Variants in IGFBP7 observed in about 807,000 individuals in gnomAD.
IGFBP7 encodes insulin like growth factor binding protein 7, also known as insulin-like growth factor-binding protein 7.
In IGFBP7, 31 loss-of-function variants were observed where a neutral mutation model predicts 29.4. That is an observed-to-expected ratio of 1.05 (90% confidence interval 0.79 to 1.42). The LOEUF is 1.42. IGFBP7 is among the 40% of genes most tolerant of loss of function. IGFBP7 has a pLI of 0.00. For missense variants in IGFBP7, 393 were observed against 395.5 expected (o/e 0.99, Z 0.05); for synonymous variants, 172 against 174.9 (o/e 0.98, Z 0.13).
chr4:57,066,037 G>C (rs1360541144), intron 1 of IGFBP7, among the ~76,000 whole-genome samples: 1 of 152,136 alleles, frequency 6.6e-6, no homozygotes, highest in Non-Finnish European at 1.5e-5. Flanking sequence ...AGTATCACTA[G>C]AGTATCTGGT....
intron 1 of IGFBP7, among the ~76,000 whole-genome samples, chr4:57,045,226 G>A (rs779357080): frequency 1.3e-5 from 2 of 152,132 alleles, no homozygotes; most frequent in African/African-American, 4.8e-5. Context: ...AATTCTACAA[G>A]ACTTCCATAC....
At chr4:57,065,306 T>C (rs1560498815) in intron 1 of IGFBP7, among the ~76,000 whole-genome samples, 1 of 152,240 alleles carries the variant, frequency 6.6e-6, no homozygotes, top group African/African-American at 2.4e-5. Context: ...CCAAGAGAGC[T>C]GGAGCAAAAG....
chr4:57,095,028 C>T (rs1004678772), intron 1 of IGFBP7, among the ~76,000 whole-genome samples: 1 of 152,170 alleles, frequency 6.6e-6, no homozygotes, highest in Admixed American at 6.5e-5. Context: ...TATTTTTGTG[C>T]TTTCTGATGG....
At chr4:57,073,648 C>G (rs1725119728) in intron 1 of IGFBP7, among the ~76,000 whole-genome samples, 1 of 152,002 alleles carries the variant, frequency 6.6e-6, no homozygotes, top group Non-Finnish European at 1.5e-5. Context: ...CCCAGAACTG[C>G]CCAAGATTAC....
chr4:57,071,625 C>T (rs1358976280), intron 1 of IGFBP7, among the ~76,000 whole-genome samples: 1 of 152,138 alleles, frequency 6.6e-6, no homozygotes, highest in Non-Finnish European at 1.5e-5. Context: ...AGGCTCTCCG[C>T]CCAGAATAAG....
chr4:57,089,950 AT>A (rs1725594383), intron 1 of IGFBP7, among the ~76,000 whole-genome samples: 1 of 152,212 alleles, frequency 6.6e-6, no homozygotes. Flanking sequence ...AAAAGCCAAC[AT>A]GCAAAGGATG....
intron 1 of IGFBP7, among the ~76,000 whole-genome samples, chr4:57,099,905 T>C (rs1250037644): frequency 6.6e-6 from 1 of 151,954 alleles, no homozygotes; most frequent in Non-Finnish European, 1.5e-5. Context: ...AATTTTGTAA[T>C]TCTTTTTTTG....
At chr4:57,075,931 A>T (rs1725212223) in intron 1 of IGFBP7, among the ~76,000 whole-genome samples, 2 of 152,120 alleles carry the variant, frequency 1.3e-5, no homozygotes, top group Admixed American at 1.3e-4. Flanking sequence ...ACATCTCTTT[A>T]TTTTCAGAAC....
chr4:57,071,705 C>A (rs1725056895), intron 1 of IGFBP7, among the ~76,000 whole-genome samples: 1 of 152,176 alleles, frequency 6.6e-6, no homozygotes, highest in South Asian at 2.1e-4. Context: ...CATATTTGGT[C>A]ATGGAGGCTA....
chr4:57,074,383 A>G lies in IGFBP7; in HGVS notation c.476-33450T>C, dbSNP rs182495530. On this transcript the variant is annotated intron_variant, in intron 1 of 4. Transcript: ENST00000295666. ...GCCTGAAAATTTACCTCTAATCCCA[A>G]ATAAAAACATTCCCCCCACCCACCA... Among the ~76,000 whole-genome samples, 666 of 152,226 alleles carry G rather than the reference A, an allele frequency of 4.4e-3. 8 individuals carry two copies. Among genetic ancestry groups the G allele is most frequent in the South Asian group, 0.031 (149 of 4,808 alleles).
intron 1 of IGFBP7, among the ~76,000 whole-genome samples, chr4:57,103,005 C>T (rs1357938092): frequency 2.0e-5 from 3 of 152,142 alleles, no homozygotes; most frequent in Non-Finnish European, 4.4e-5. Context: ...GCTAATAAGG[C>T]AAGCGAGGTG....
intron 1 of IGFBP7, among the ~76,000 whole-genome samples, chr4:57,089,046 A>AAT (rs1725574358): frequency 6.6e-6 from 1 of 151,384 alleles, no homozygotes; most frequent in Admixed American, 6.6e-5. Context: ...AAATAAAAAA[A>AAT]AAAAAAAAGA....
chr4:57,066,913 A>G (rs1231498114), intron 1 of IGFBP7, among the ~76,000 whole-genome samples: 1 of 152,020 alleles, frequency 6.6e-6, no homozygotes, highest in Non-Finnish European at 1.5e-5. Context: ...ACATCTTTGA[A>G]CTTTCTCCAT....
At chr4:57,061,291 T>C (rs184813880) in intron 1 of IGFBP7, among the ~76,000 whole-genome samples, 1 of 152,226 alleles carries the variant, frequency 6.6e-6, no homozygotes, top group African/African-American at 2.4e-5. Flanking sequence ...ATATTAATAG[T>C]ATATATTAAT....
At chr4:57,038,114 C>G (rs953975827) in intron 2 of IGFBP7, among the ~76,000 whole-genome samples, 1 of 152,218 alleles carries the variant, frequency 6.6e-6, no homozygotes, top group African/African-American at 2.4e-5. Flanking sequence ...GGTACCTGTT[C>G]CCAGATTTTA....
At chr4:57,098,876 T>C (rs559956919) in intron 1 of IGFBP7, among the ~76,000 whole-genome samples, 16 of 152,356 alleles carry the variant, frequency 1.1e-4, no homozygotes, top group African/African-American at 3.6e-4. Context: ...GAGCAGAAAG[T>C]TCTGAAAGCT....
At chr4:57,055,870 T>C (rs1219871957) in intron 1 of IGFBP7, among the ~76,000 whole-genome samples, 2 of 152,124 alleles carry the variant, frequency 1.3e-5, no homozygotes, top group African/African-American at 4.8e-5. Context: ...CGGTTTGGCT[T>C]TAAGCGGGCA....
chr4:57,067,036 A>T (rs1724936364), intron 1 of IGFBP7, among the ~76,000 whole-genome samples: 1 of 151,976 alleles, frequency 6.6e-6, no homozygotes, highest in Non-Finnish European at 1.5e-5. Context: ...AGGGTAAAAA[A>T]CCAAAAACAA....
intron 1 of IGFBP7, among the ~76,000 whole-genome samples, chr4:57,056,736 G>A (rs1244135608): frequency 6.6e-6 from 1 of 152,222 alleles, no homozygotes; most frequent in Non-Finnish European, 1.5e-5. Context: ...TGGGAACAAG[G>A]TGAAGCAAAG....
Sources: gnomAD v4.1 joint callset for allele counts (sites outside exome capture counted in the v4.1 genomes callset) on GRCh38, gnomAD v4.1.1 for gene constraint, MANE v1.5 for transcripts, NCBI Gene and HGNC (gene_info 2026-07-23, HGNC 2026-07-21) for gene names.